NINL: variants seen among roughly 807,000 people sequenced by gnomAD.
NINL encodes the protein ninein like.
NINL carries 153 observed loss-of-function variants against 160.3 expected under a neutral mutation model. The ratio of observed to expected loss-of-function variants is 0.95; its 90% CI spans 0.84 to 1.09. The LOEUF (loss-of-function observed/expected upper bound fraction) is 1.09. NINL is among the 50% of genes least tolerant of loss of function. The pLI is 0.00. For synonymous variants in NINL, 800 were observed against 734.8 expected (o/e 1.09, Z -1.43); for missense variants, 1,829 against 1,764.0 (o/e 1.04, Z -0.66).
chr20:25,463,516 G>A (rs1471898819), intron 19 of NINL, among the ~76,000 whole-genome samples: 1 of 152,200 alleles, frequency 6.6e-6, no homozygotes, highest in Non-Finnish European at 1.5e-5. Context: ...AACCTGTGAG[G>A]GCGCAGTGCA....
intron 1 of NINL, among the ~76,000 whole-genome samples, chr20:25,551,980 G>T (rs2064811768): frequency 6.6e-6 from 1 of 152,182 alleles, no homozygotes; most frequent in Non-Finnish European, 1.5e-5. Flanking sequence ...TGTGAGGGAG[G>T]CCATCGGGAG....
At chr20:25,488,248 T>G (rs1242364832) in intron 13 of NINL, among the ~76,000 whole-genome samples, 11 of 152,104 alleles carry the variant, frequency 7.2e-5, no homozygotes, top group Non-Finnish European at 2.9e-5. Context: ...TGGGGAGGGA[T>G]GGAGTCTCGC....
intron 5 of NINL, among the ~76,000 whole-genome samples, chr20:25,507,489 C>T (rs1370928298): frequency 6.6e-6 from 1 of 152,172 alleles, no homozygotes; most frequent in East Asian, 1.9e-4. Context: ...CAGACATGTT[C>T]CTATGGTGAG....
chr20:25,563,875 GA>G (rs752400765), intron 1 of NINL, among the ~76,000 whole-genome samples: 1 of 152,250 alleles, frequency 6.6e-6, no homozygotes, highest in East Asian at 1.9e-4. Context: ...AGATGAAAAA[GA>G]GAAGAAGAAG....
intron 1 of NINL, among the ~76,000 whole-genome samples, chr20:25,550,941 T>C (rs1211383430): frequency 1.3e-5 from 2 of 152,140 alleles, no homozygotes; most frequent in South Asian, 2.1e-4. Flanking sequence ...CGGTAAGGTC[T>C]TTCCTTTCCC....
In NINL at chr20:25,476,347, G is replaced by T; in HGVS notation, c.2944C>A (p.Arg982=). Residue 982 remains arginine, a synonymous_variant, in exon 17 of 24, where the codon CGA becomes AGA. Coordinates refer to ENST00000278886, the MANE Select transcript of NINL (RefSeq NM_025176.6). ...AERLQAIQEE[R]ARSWSRGTQE... Reference sequence around the variant, plus strand: ...GTGCCCCTGCTCCAGCTTCGTGCTCGCTCTTCCTGAATGGCCTGTAGCCTC... The same window carrying T: ...GTGCCCCTGCTCCAGCTTCGTGCTCTCTCTTCCTGAATGGCCTGTAGCCTC... 3 of 1,612,220 alleles carry T rather than the reference G, an allele frequency of 1.9e-6. No homozygotes were observed. The highest frequency in any genetic ancestry group is 2.5e-6 in the Non-Finnish European group (3 of 1,179,918).
intron 1 of NINL, among the ~76,000 whole-genome samples, chr20:25,528,553 T>C (rs2064397281): frequency 6.6e-6 from 1 of 152,156 alleles, no homozygotes; most frequent in South Asian, 2.1e-4. Flanking sequence ...TGGTAAGAAA[T>C]GCTTTCATGG....
chr20:25,514,505 A>C (rs1042946111), intron 3 of NINL, among the ~76,000 whole-genome samples: 1 of 152,262 alleles, frequency 6.6e-6, no homozygotes, highest in Non-Finnish European at 1.5e-5. Flanking sequence ...GGTAGAGAAG[A>C]AAAATCCATT....
rs536360232 is a variant in NINL at position 25,489,949 on chromosome 20, C to G, written c.1522G>C (p.Val508Leu). The change falls in exon 12 of 24, where the codon GTG becomes CTG. Residue 508 changes from valine (V) to leucine (L), a missense_variant. Coordinates refer to ENST00000278886, the MANE Select transcript of NINL (RefSeq NM_025176.6). Reference sequence around the variant, plus strand: ...CTCTCCGAATCCGAAAGCTTTTCCACCACTTCCACAATCTCCTTCTGTAGG... The same window carrying G: ...CTCTCCGAATCCGAAAGCTTTTCCAGCACTTCCACAATCTCCTTCTGTAGG... The part of the protein sequence containing the change: ...SRLQKEIVEV[V>L]EKLSDSERLA... 5.0e-6 allele frequency: 8 copies of G among 1,614,188 alleles called. No homozygotes were observed. In the South Asian group the frequency reaches 7.7e-5, roughly 16 times the overall value.
intron 21 of NINL, among the ~76,000 whole-genome samples, chr20:25,460,660 T>A (rs924580783): frequency 1.3e-5 from 2 of 152,174 alleles, no homozygotes; most frequent in Non-Finnish European, 2.9e-5. Flanking sequence ...CAAGAGCCTA[T>A]GGGAGCCCCA....
At chr20:25,468,332 A>C (rs1468578618) in intron 18 of NINL, among the ~76,000 whole-genome samples, 33 of 135,920 alleles carry the variant, frequency 2.4e-4, no homozygotes, top group African/African-American at 9.5e-4. Context: ...TGGTCCCCCA[A>C]CTCTCACTGG....
At chr20:25,561,912 C>A (rs1445669943) in intron 1 of NINL, among the ~76,000 whole-genome samples, 1 of 150,562 alleles carries the variant, frequency 6.6e-6, no homozygotes, top group African/African-American at 2.4e-5. Flanking sequence ...GGGGGTCAGC[C>A]CCCGCCAGGC....
At chr20:25,482,121 ACCT>A (rs1171990849) in intron 13 of NINL, 21 bp from the exon 14 acceptor site, 3 of 1,583,524 alleles carry the variant, frequency 1.9e-6, no homozygotes, top group African/African-American at 2.7e-5. Context: ...AGAGCCAGCC[ACCT>A]CCTCTAGCAG....
At chr20:25,466,098 T>C (rs577720488) in intron 19 of NINL, among the ~76,000 whole-genome samples, 1 of 152,294 alleles carries the variant, frequency 6.6e-6, no homozygotes, top group South Asian at 2.1e-4. Context: ...CTCTACTCAC[T>C]GTAGCCTCAA....
intron 3 of NINL, 42 bp downstream of exon 3, chr20:25,517,711 C>T (rs779182224): frequency 6.9e-7 from 1 of 1,446,426 alleles, no homozygotes; most frequent in East Asian, 2.4e-5. Flanking sequence ...CAAAAGTTAA[C>T]AAACAAATAA....
At chr20:25,458,796 C>G (rs1406467159) in intron 21 of NINL, 35 of 475,580 alleles carry the variant, frequency 7.4e-5, no homozygotes, top group Non-Finnish European at 1.0e-4. Context: ...CCTGTCAGAC[C>G]CAGACTCTGC....
intron 1 of NINL, among the ~76,000 whole-genome samples, chr20:25,527,110 C>T (rs1272610416): frequency 6.6e-6 from 1 of 151,510 alleles, no homozygotes; most frequent in Non-Finnish European, 1.5e-5. Flanking sequence ...AATTCCACTA[C>T]CATATAAAAA....
At chr20:25,531,957 G>A (rs1249894744) in intron 1 of NINL, among the ~76,000 whole-genome samples, 2 of 152,140 alleles carry the variant, frequency 1.3e-5, no homozygotes, top group Non-Finnish European at 2.9e-5. Context: ...GGGACTCAAA[G>A]TTCTTTCTCA....
intron 1 of NINL, among the ~76,000 whole-genome samples, chr20:25,536,503 G>A (rs2064558828): frequency 1.3e-5 from 2 of 152,234 alleles, no homozygotes; most frequent in Non-Finnish European, 2.9e-5. Context: ...TTGAGGTCAG[G>A]AGTTCAAGAC....
Sources: allele counts gnomAD v4.1 joint callset (sites outside exome capture counted in the v4.1 genomes callset), GRCh38; gene constraint gnomAD v4.1.1; transcripts MANE v1.5; gene names NCBI Gene and HGNC (gene_info 2026-07-23, HGNC 2026-07-21).